The following SCRT2 variants were observed in gnomAD, a reference collection of about 807,000 sequenced individuals.
The protein encoded by SCRT2 is scratch family transcriptional repressor 2, also known as transcriptional repressor scratch 2.
In SCRT2, 2 loss-of-function variants were observed where a neutral mutation model predicts 3.7. The ratio of observed to expected loss-of-function variants is 0.54; its 90% CI spans 0.22 to 1.70. SCRT2 has a LOEUF of 1.70. Ranked by LOEUF, SCRT2 falls within the 40% of genes most tolerant of loss-of-function variation. The pLI is 0.19. For synonymous variants in SCRT2, 256 were observed against 220.6 expected, an observed-to-expected ratio of 1.16 and a Z score of -1.42; for missense variants, 456 against 468.5, an observed-to-expected ratio of 0.97 and a Z score of 0.25.
At position 675,191 on chromosome 20, in the gene SCRT2, AC is replaced by A. The variant is rs1984488110; in HGVS notation, c.133+277del. Among the ~76,000 whole-genome samples the A allele has an allele frequency of 6.6e-6, 1 of 151,182 alleles. No individual in the cohort carries two copies. The highest frequency in any genetic ancestry group is 6.6e-5 in the Admixed American group (1 of 15,196). On this transcript the variant is annotated intron_variant, in intron 1 of 1. Transcript: ENST00000246104. The surrounding 1 kb of genome is among the most constrained non-coding windows in gnomAD (Gnocchi z 6.9). Reference sequence around the variant, plus strand: ...GCAGCCCCGTCTGTGTTCTCTTGCCACCCCCTCACTCTAGCCCTATTTGAGG... The same window carrying A: ...GCAGCCCCGTCTGTGTTCTCTTGCCACCCCTCACTCTAGCCCTATTTGAGG...
rs1984209608 is a variant in SCRT2, at chr20:667,974, C to A, written c.134-3513G>T. Among the ~76,000 whole-genome samples, 1 of 152,184 alleles carries A rather than the reference C, an allele frequency of 6.6e-6. No individual in the cohort carries two copies. The highest frequency in any genetic ancestry group is 1.5e-5 in the Non-Finnish European group (1 of 68,028). On this transcript the variant is annotated intron_variant, in intron 1 of 1. Coordinates refer to ENST00000246104, the MANE Select transcript of SCRT2 (RefSeq NM_033129.4). This position sits in a 1 kb window ranked among gnomAD's most constrained non-coding sequence, Gnocchi z 4.4. ...ATGATGCTCTTTGTCCCCTCCACTC[C>A]CAGCTCCTCCAATTCCACCCCGTTT...
intron 1 of SCRT2, among the ~76,000 whole-genome samples, chr20:671,759 A>G (rs929639983): frequency 2.6e-5 from 4 of 152,128 alleles, no homozygotes; most frequent in Non-Finnish European, 4.4e-5. Context: ...AGGGCAGACA[A>G]CTGTGTTATT....
intron 1 of SCRT2, among the ~76,000 whole-genome samples, chr20:674,585 C>T (rs1862903732): frequency 6.6e-6 from 1 of 152,174 alleles, no homozygotes; most frequent in South Asian, 2.1e-4. Context: ...AAGCAGTCTC[C>T]ACTTTCCCCT....
chr20:674,729 GTGTA>G (rs1357164531), intron 1 of SCRT2, among the ~76,000 whole-genome samples: 8,240 of 40,466 alleles, frequency 0.2, 274 homozygotes, highest in Middle Eastern at 0.23. Context: ...GTGTGTGTGT[GTGTA>G]TGTGTAGTGA....
chr20:675,354 T>G lies in SCRT2; in HGVS notation c.133+115A>C, dbSNP rs1226590993. 7.8e-6 allele frequency: 7 copies of G among 895,012 alleles called. No homozygotes were observed. The African/African-American group carries it at 1.0e-4, about 13-fold the overall frequency. 55.4% of individuals were successfully genotyped at this position (895,012 alleles called of 1,614,324 possible). On this transcript the variant is annotated intron_variant, in intron 1 of 1. Coordinates refer to ENST00000246104, the MANE Select transcript of SCRT2 (RefSeq NM_033129.4). This position sits in a 1 kb window ranked among gnomAD's most constrained non-coding sequence, Gnocchi z 6.9. ...CGGGAGGAGCCCACGGCCAGAGAGATCTCCTCCCGGGGGTTTCCTGTCGCA... is the reference window on the plus strand; with the variant it reads ...CGGGAGGAGCCCACGGCCAGAGAGAGCTCCTCCCGGGGGTTTCCTGTCGCA...
rs771241562 is a variant in SCRT2, at chr20:664,349, G to A, written c.246C>T (p.Ser82=). 6 of 1,481,248 alleles carry A rather than the reference G, an allele frequency of 4.1e-6. No individual in the cohort carries two copies. The highest frequency in any genetic ancestry group is 5.4e-6 in the Non-Finnish European group (6 of 1,105,622). 91.8% of individuals were successfully genotyped at this position (1,481,248 alleles called of 1,614,324 possible). A position where few individuals can be genotyped will look rare whatever the true frequency, so the allele number is the denominator to read the frequency against. ...AYPPAAPEEY[S]DPESPQSSLS... ...GGCTCGACTGCGGGCTTTCGGGGTC[G>A]CTGTACTCCTCCGGCGCCGCCGGCG... The change falls in exon 2 of 2, where the codon AGC becomes AGT. Residue 82 remains serine, a synonymous_variant. Coordinates refer to ENST00000246104, the MANE Select transcript of SCRT2 (RefSeq NM_033129.4). The surrounding 1 kb of genome is among the most constrained non-coding windows in gnomAD (Gnocchi z 7.9).
rs1236178376 is a variant in SCRT2, at chr20:666,164, C to T, written c.134-1703G>A. On this transcript the variant is annotated intron_variant, in intron 1 of 1. Coordinates refer to ENST00000246104, the MANE Select transcript of SCRT2 (RefSeq NM_033129.4). The surrounding 1 kb of genome is among the most constrained non-coding windows in gnomAD (Gnocchi z 4.4). Reference sequence around the variant, plus strand: ...GTGGATGACTCGGAAGCGGGGGGCTCTGTGGTTGGATGTAAAGGGGGATAG... The same window carrying T: ...GTGGATGACTCGGAAGCGGGGGGCTTTGTGGTTGGATGTAAAGGGGGATAG... Among the ~76,000 whole-genome samples, 1 of 152,066 alleles carries T rather than the reference C, an allele frequency of 6.6e-6. No individual in the cohort carries two copies.
In SCRT2 at chr20:675,739, G is replaced by C; in HGVS notation, c.-138C>G. On this transcript the variant is annotated 5_prime_UTR_variant, in exon 1 of 2. Transcript: ENST00000246104. The surrounding 1 kb of genome is among the most constrained non-coding windows in gnomAD (Gnocchi z 6.9). ...CCGCTCGGAGCCGGCACCGGTGGCG[G>C]CGGCCCCGGCTCGGGCTCGGGCTTG... is the stretch of plus-strand genomic sequence containing the variant. The C allele has an allele frequency of 4.7e-6, 2 of 424,912 alleles. No homozygotes were observed. Among genetic ancestry groups the C allele is most frequent in the Non-Finnish European group, 6.9e-6 (2 of 288,856 alleles). The allele number at this position is 424,912 out of a possible 1,614,324, so 26.3% of individuals were successfully genotyped here. A position where few individuals can be genotyped will look rare whatever the true frequency, so the allele number is the denominator to read the frequency against.
rs1485898586 is a variant in SCRT2, at chr20:663,615, AG to A, written c.*55del. On this transcript the variant is annotated 3_prime_UTR_variant, in exon 2 of 2. Coordinates refer to ENST00000246104, the MANE Select transcript of SCRT2 (RefSeq NM_033129.4). The surrounding 1 kb of genome is among the most constrained non-coding windows in gnomAD (Gnocchi z 6.9). ...GGGCGAGGGCGCTGCGGGCGCAGGT[AG>A]GGGGCCCGGGGCGCGTGGAGAGCGA... is the stretch of plus-strand genomic sequence containing the variant. The A allele has an allele frequency of 5.4e-6, 7 of 1,301,362 alleles. No homozygotes were observed. Among genetic ancestry groups the A allele is most frequent in the East Asian group, 6.4e-5 (2 of 31,402 alleles). The allele number at this position is 1,301,362 out of a possible 1,614,324, so 80.6% of individuals were successfully genotyped here. A position where few individuals can be genotyped will look rare whatever the true frequency, so the allele number is the denominator to read the frequency against.
At position 675,503 on chromosome 20, in the gene SCRT2, C is replaced by T; in HGVS notation, c.99G>A (p.Val33=). ...PTYHPLETAY[V]LPGARGPPGD... ...CGGGAGGCCCCCGGGCGCCAGGCAGCACGTAGGCTGTCTCCAAGGGGTGGT... is the reference window on the plus strand; with the variant it reads ...CGGGAGGCCCCCGGGCGCCAGGCAGTACGTAGGCTGTCTCCAAGGGGTGGT... The change falls in exon 1 of 2, where the codon GTG becomes GTA. Residue 33 remains valine, a synonymous_variant. Coordinates refer to ENST00000246104, the MANE Select transcript of SCRT2 (RefSeq NM_033129.4). This position sits in a 1 kb window ranked among gnomAD's most constrained non-coding sequence, Gnocchi z 6.9. 1 of 1,383,096 alleles carries T rather than the reference C, an allele frequency of 7.2e-7. No homozygotes were observed. Among genetic ancestry groups the T allele is most frequent in the Non-Finnish European group, 9.4e-7 (1 of 1,063,920 alleles). The allele number at this position is 1,383,096 out of a possible 1,614,324, so 85.7% of individuals were successfully genotyped here. A position where few individuals can be genotyped will look rare whatever the true frequency, so the allele number is the denominator to read the frequency against.
chr20:664,360 C>CCGGCG lies in SCRT2; in HGVS notation c.230_234dup (p.Glu79ArgfsTer26). On this transcript the variant is annotated frameshift_variant, in exon 2 of 2. Coordinates refer to ENST00000246104, the MANE Select transcript of SCRT2 (RefSeq NM_033129.4). LOFTEE classifies it low-confidence loss of function (END_TRUNC). The surrounding 1 kb of genome is among the most constrained non-coding windows in gnomAD (Gnocchi z 7.9). ...GGGCTTTCGGGGTCGCTGTACTCCT[C>CCGGCG]CGGCGCCGCCGGCGGGTACGCGGGC... 2 of 1,452,260 alleles carry CCGGCG rather than the reference C, an allele frequency of 1.4e-6. No individual in the cohort carries two copies. The highest frequency in any genetic ancestry group is 1.8e-6 in the Non-Finnish European group (2 of 1,089,880). 90.0% of individuals were successfully genotyped at this position (1,452,260 alleles called of 1,614,324 possible).
rs543507445 is a variant in SCRT2 at position 675,258 on chromosome 20, A to T, written c.133+211T>A. Among the ~76,000 whole-genome samples, 1 of 151,764 alleles carries T rather than the reference A, an allele frequency of 6.6e-6. No individual in the cohort carries two copies. The highest frequency in any genetic ancestry group is 2.1e-4 in the South Asian group (1 of 4,810). On this transcript the variant is annotated intron_variant, in intron 1 of 1. Transcript: ENST00000246104. This position sits in a 1 kb window ranked among gnomAD's most constrained non-coding sequence, Gnocchi z 6.9. ...GTCCCGGCTGGCGCGTGGCTGCGGG[A>T]TGGGCCGACCCCGCGACTTTCCCTT... is the stretch of plus-strand genomic sequence containing the variant.
At chr20:672,650 G>C (rs1387672790) in intron 1 of SCRT2, among the ~76,000 whole-genome samples, 1 of 143,912 alleles carries the variant, frequency 6.9e-6, no homozygotes, top group African/African-American at 2.6e-5. Context: ...CCTGCAGCCC[G>C]AGCTGCAGGA....
Position 663,553 on chromosome 20 carries a change from A to G in SCRT2, c.*118T>C. On this transcript the variant is annotated 3_prime_UTR_variant, in exon 2 of 2. Transcript: ENST00000246104. This position sits in a 1 kb window ranked among gnomAD's most constrained non-coding sequence, Gnocchi z 6.9. Reference sequence around the variant, plus strand: ...GTTCCGGGCCGGGCCGGGGGTCCCCACGAGAGGGTCATGGGCAGGGAAACG... The same window carrying G: ...GTTCCGGGCCGGGCCGGGGGTCCCCGCGAGAGGGTCATGGGCAGGGAAACG... The G allele has an allele frequency of 1.0e-6, 1 of 997,856 alleles. No homozygotes were observed. The highest frequency in any genetic ancestry group is 3.5e-5 in the South Asian group (1 of 28,894). 61.8% of individuals were successfully genotyped at this position (997,856 alleles called of 1,614,324 possible).
At position 663,574 on chromosome 20, in the gene SCRT2, A is replaced by G; in HGVS notation, c.*97T>C. 8.5e-7 allele frequency: 1 copy of G among 1,180,282 alleles called. No individual in the cohort carries two copies. The highest frequency in any genetic ancestry group is 1.1e-6 in the Non-Finnish European group (1 of 926,946). The allele number at this position is 1,180,282 out of a possible 1,614,324, so 73.1% of individuals were successfully genotyped here. A position where few individuals can be genotyped will look rare whatever the true frequency, so the allele number is the denominator to read the frequency against. On this transcript the variant is annotated 3_prime_UTR_variant, in exon 2 of 2. Transcript: ENST00000246104. This position sits in a 1 kb window ranked among gnomAD's most constrained non-coding sequence, Gnocchi z 6.9. ...CCCCACGAGAGGGTCATGGGCAGGG[A>G]AACGCAGCCGGGGCTGGGCGAGGGC...
At chr20:673,582 T>C (rs1984414129) in intron 1 of SCRT2, among the ~76,000 whole-genome samples, 1 of 152,214 alleles carries the variant, frequency 6.6e-6, no homozygotes, top group Admixed American at 6.5e-5. Flanking sequence ...GAGGTGGTTC[T>C]AGGGTGTTAA....
chr20:663,475 G>T lies in SCRT2; in HGVS notation c.*196C>A. On this transcript the variant is annotated 3_prime_UTR_variant, in exon 2 of 2. Coordinates refer to ENST00000246104, the MANE Select transcript of SCRT2 (RefSeq NM_033129.4). This position sits in a 1 kb window ranked among gnomAD's most constrained non-coding sequence, Gnocchi z 6.9. Reference sequence around the variant, plus strand: ...GAAAGGATGAAGTGGGTCGGGGGACGCTGGGGAAGACGGTGTGGAAGTGAG... The same window carrying T: ...GAAAGGATGAAGTGGGTCGGGGGACTCTGGGGAAGACGGTGTGGAAGTGAG... The T allele has an allele frequency of 2.3e-6, 1 of 444,246 alleles. No individual in the cohort carries two copies. Among genetic ancestry groups the T allele is most frequent in the Non-Finnish European group, 3.7e-6 (1 of 271,692 alleles). 27.5% of individuals were successfully genotyped at this position (444,246 alleles called of 1,614,324 possible).
Position 664,179 on chromosome 20 carries a change from C to G in SCRT2, c.416G>C (p.Gly139Ala), listed in dbSNP as rs1237060955. ...AGGSGDAGGA[G>A]GRAGRAGAQA... ...CGCCCCCGCGCGCCCCGCGCGCCCC[C>G]CGGCGCCCCCCGCGTCTCCCGAGCC... The change falls in exon 2 of 2, where the codon GGG becomes GCG. Residue 139 changes from glycine to alanine, a missense_variant. Physicochemically the swap from Gly to Ala is moderately conservative, Grantham distance 60. Transcript: ENST00000246104. The surrounding 1 kb of genome is among the most constrained non-coding windows in gnomAD (Gnocchi z 7.9). 69 of 1,048,966 alleles carry G rather than the reference C, an allele frequency of 6.6e-5. No individual in the cohort carries two copies. Among genetic ancestry groups the G allele is most frequent in the South Asian group, 8.8e-5 (2 of 22,744 alleles). The allele number at this position is 1,048,966 out of a possible 1,614,324, so 65.0% of individuals were successfully genotyped here.
chr20:674,612 C>T (rs1266840457), intron 1 of SCRT2, among the ~76,000 whole-genome samples: 1 of 152,078 alleles, frequency 6.6e-6, no homozygotes, highest in African/African-American at 2.4e-5. Flanking sequence ...CAGAGATCAC[C>T]CCCTTCTGCA....
Sources: allele counts gnomAD v4.1 joint callset (sites outside exome capture counted in the v4.1 genomes callset), GRCh38; gene constraint gnomAD v4.1.1; non-coding constraint Gnocchi (gnomAD v3.1); transcripts MANE v1.5; gene names NCBI Gene and HGNC (gene_info 2026-07-23, HGNC 2026-07-21).